Variants in SLCO5A1 observed in about 807,000 individuals in gnomAD.
SLCO5A1 encodes the protein organic anion transporter polypeptide-related protein 4.
A neutral mutation model predicts 65.1 loss-of-function variants in SLCO5A1; 39 were observed. The ratio of observed to expected loss-of-function variants is 0.60; its 90% CI spans 0.46 to 0.78. The LOEUF (loss-of-function observed/expected upper bound fraction) is 0.78. SLCO5A1 is among the 30% of genes least tolerant of loss of function. The pLI is 0.00. For synonymous variants in SLCO5A1, 438 were observed against 415.7 expected, an observed-to-expected ratio of 1.05 and a Z score of -0.65; for missense variants, 1,029 against 1,069.4, an observed-to-expected ratio of 0.96 and a Z score of 0.53.
At position 69,670,163 on chromosome 8, in the gene SLCO5A1, A is replaced by C. The variant is rs1813289194; in HGVS notation, c.*2706T>G. On this transcript the variant is annotated 3_prime_UTR_variant, in exon 10 of 10. Coordinates refer to ENST00000260126, the MANE Select transcript of SLCO5A1 (RefSeq NM_030958.3). ...CATATTAAAGCTAAATAATATATGAATTTACAGTTTATAAAGGACAAGATG... is the reference window on the plus strand; with the variant it reads ...CATATTAAAGCTAAATAATATATGACTTTACAGTTTATAAAGGACAAGATG... The C allele has an allele frequency of 6.6e-6, 1 of 152,236 alleles. No homozygotes were observed. The highest frequency in any genetic ancestry group is 2.4e-5 in the African/African-American group (1 of 41,458). The allele number at this position is 152,236 out of a possible 1,614,324, so 9.4% of individuals were successfully genotyped here.
chr8:69,788,661 G>C (rs1311530372), intron 2 of SLCO5A1, among the ~76,000 whole-genome samples: 4 of 151,950 alleles, frequency 2.6e-5, no homozygotes. Context: ...AACAACCTTG[G>C]TATAAACTGA....
chr8:69,721,614 T>A (rs1815818159), intron 5 of SLCO5A1, among the ~76,000 whole-genome samples: 1 of 152,230 alleles, frequency 6.6e-6, no homozygotes, highest in Non-Finnish European at 1.5e-5. Flanking sequence ...TGAGATCTTT[T>A]CAGTCATTTA....
At chr8:69,703,201 CT>C (rs1486327340) in intron 6 of SLCO5A1, among the ~76,000 whole-genome samples, 1 of 152,036 alleles carries the variant, frequency 6.6e-6, no homozygotes, top group Non-Finnish European at 1.5e-5. Context: ...TTTCCACCTC[CT>C]TTTGGTGAGG....
chr8:69,712,259 T>A (rs925240327), intron 5 of SLCO5A1, among the ~76,000 whole-genome samples: 4 of 152,234 alleles, frequency 2.6e-5, no homozygotes, highest in Non-Finnish European at 5.9e-5. Context: ...ACATTAATTG[T>A]CCTACTTTCT....
chr8:69,731,792 T>G (rs568363246), intron 5 of SLCO5A1, among the ~76,000 whole-genome samples: 2 of 152,322 alleles, frequency 1.3e-5, no homozygotes, highest in South Asian at 4.1e-4. Flanking sequence ...TACAAAATGT[T>G]GGTTTGCAAG....
In SLCO5A1 at chr8:69,761,872, A is replaced by T. The variant is rs756377098; in HGVS notation, c.911T>A (p.Ile304Asn). Residue 304 changes from isoleucine (I) to asparagine (N), a missense_variant, in exon 3 of 10, where the codon ATC (isoleucine) becomes AAC (asparagine). Transcript: ENST00000260126. Reference protein sequence around the residue: ...KKENSSLYLAIMYVMGALGPA... With the variant: ...KKENSSLYLANMYVMGALGPA... ...GCCAAGTGCTCCCATGACATACATG[A>T]TGGCTGAGAAGACAGAAGGGGAAAT... 6.2e-7 allele frequency: 1 copy of T among 1,611,670 alleles called. No homozygotes were observed. Among genetic ancestry groups the T allele is most frequent in the African/African-American group, 1.3e-5 (1 of 74,816 alleles).
In SLCO5A1 at chr8:69,798,598, C is replaced by A. The variant is rs117265631; in HGVS notation, c.907+33169G>T. The stretch of plus-strand genomic sequence containing the variant: ...ACACCACAGAGTGGATGGTGTTAAA[C>A]CATTCATGAGTGACCACCCCCATGA... On this transcript the variant is annotated intron_variant, in intron 2 of 9. Transcript: ENST00000260126. 9.3e-3 allele frequency among the ~76,000 whole-genome samples: 1,424 copies of A among 152,324 alleles called. 9 individuals are homozygous for A. The highest frequency in any genetic ancestry group is 0.014 in the Admixed American group (219 of 15,298).
intron 2 of SLCO5A1, among the ~76,000 whole-genome samples, chr8:69,826,150 T>A (rs201484479): frequency 6.6e-6 from 1 of 152,098 alleles, no homozygotes; most frequent in Non-Finnish European, 1.5e-5. Context: ...TAAAGACTTA[T>A]ATGTTAGACC....
intron 2 of SLCO5A1, among the ~76,000 whole-genome samples, chr8:69,774,924 G>C (rs1332401093): frequency 6.6e-6 from 1 of 152,208 alleles, no homozygotes; most frequent in South Asian, 2.1e-4. Flanking sequence ...AAGCACCAGA[G>C]CACTGTATTT....
At chr8:69,767,617 C>T (rs1402267906) in intron 2 of SLCO5A1, among the ~76,000 whole-genome samples, 1 of 152,066 alleles carries the variant, frequency 6.6e-6, no homozygotes, top group East Asian at 1.9e-4. Flanking sequence ...TTAGGCCAGG[C>T]ATGGTGGCTC....
At chr8:69,732,266 G>A (rs2959549) in intron 5 of SLCO5A1, among the ~76,000 whole-genome samples, 87,520 of 152,018 alleles carry the variant, frequency 0.58, 25,661 homozygotes, top group South Asian at 0.7. Flanking sequence ...TTCTTTTACC[G>A]CAGAAGTAAG....
intron 4 of SLCO5A1, among the ~76,000 whole-genome samples, chr8:69,751,372 C>A (rs574628174): frequency 6.6e-6 from 1 of 151,980 alleles, no homozygotes; most frequent in Non-Finnish European, 1.5e-5. Flanking sequence ...TTCCCCTTTG[C>A]GGTGTCTTAA....
chr8:69,769,568 TATTA>T lies in SLCO5A1; in HGVS notation c.908-7697_908-7694del, dbSNP rs1429241720. Among the ~76,000 whole-genome samples the T allele has an allele frequency of 2.0e-5, 3 of 152,370 alleles. No homozygotes were observed. The East Asian group carries it at 5.8e-4, about 29-fold the overall frequency. ...TGGATTTTTATGTTGAATAATTACC[TATTA>T]ATTCTCTAATAACTATTATTACATA... is the stretch of plus-strand genomic sequence containing the variant. On this transcript the variant is annotated intron_variant, in intron 2 of 9. Transcript: ENST00000260126.
intron 2 of SLCO5A1, among the ~76,000 whole-genome samples, chr8:69,780,161 G>T (rs1818732872): frequency 6.6e-6 from 1 of 152,158 alleles, no homozygotes; most frequent in Non-Finnish European, 1.5e-5. Context: ...ACAGATGTTG[G>T]CAAGGATACA....
chr8:69,797,023 A>G (rs1356473756), intron 2 of SLCO5A1, among the ~76,000 whole-genome samples: 1 of 152,242 alleles, frequency 6.6e-6, no homozygotes, highest in African/African-American at 2.4e-5. Flanking sequence ...ACAAGTCTCT[A>G]GGAAGTTCCA....
At chr8:69,765,754 C>G (rs561279778) in intron 2 of SLCO5A1, among the ~76,000 whole-genome samples, 4 of 152,210 alleles carry the variant, frequency 2.6e-5, no homozygotes, top group Admixed American at 2.6e-4. Context: ...TACTCCAGGC[C>G]CCATGCTCAG....
chr8:69,768,942 C>T (rs1818194680), intron 2 of SLCO5A1, among the ~76,000 whole-genome samples: 1 of 152,154 alleles, frequency 6.6e-6, no homozygotes, highest in African/African-American at 2.4e-5. Flanking sequence ...CTCCCTCAGC[C>T]TTGGACATGA....
chr8:69,669,266 T>G lies in SLCO5A1; in HGVS notation c.*3603A>C, dbSNP rs1384118296. The stretch of plus-strand genomic sequence containing the variant: ...ATTTCCTACAGATGTTTCCTACAGT[T>G]TTTTTTATTTACACAAAAAAACCTC... On this transcript the variant is annotated 3_prime_UTR_variant, in exon 10 of 10. Transcript: ENST00000260126. 6.6e-6 allele frequency: 1 copy of G among 151,976 alleles called. No individual in the cohort carries two copies. The highest frequency in any genetic ancestry group is 1.5e-5 in the Non-Finnish European group (1 of 67,950). The allele number at this position is 151,976 out of a possible 1,614,324, so 9.4% of individuals were successfully genotyped here.
chr8:69,810,988 C>T (rs1429808796), intron 2 of SLCO5A1, among the ~76,000 whole-genome samples: 1 of 152,104 alleles, frequency 6.6e-6, no homozygotes, highest in Non-Finnish European at 1.5e-5. Flanking sequence ...GCAAAAAGGC[C>T]CATATCTGCA....
Sources: gnomAD v4.1 joint callset for allele counts (sites outside exome capture counted in the v4.1 genomes callset) on GRCh38, gnomAD v4.1.1 for gene constraint, MANE v1.5 for transcripts, NCBI Gene and HGNC (gene_info 2026-07-23, HGNC 2026-07-21) for gene names.